Variants in PTPN9 observed in about 807,000 individuals in gnomAD.
The protein encoded by PTPN9 is protein tyrosine phosphatase non-receptor type 9.
In PTPN9, 26 loss-of-function variants were observed where a neutral mutation model predicts 69.8. The observed-to-expected ratio is 0.37, with a 90% CI of 0.27 to 0.52. The LOEUF (loss-of-function observed/expected upper bound fraction) is 0.52, where lower values mean the gene tolerates loss of function less well. Among genes scored for constraint, PTPN9 ranks in the 20% least tolerant of loss-of-function variants. The pLI, the probability that PTPN9 is intolerant of heterozygous loss-of-function variation, is 0.91. For missense variants in PTPN9, 549 were observed against 740.3 expected (o/e 0.74, Z 3.00); for synonymous variants, 274 against 272.5 (o/e 1.01, Z -0.05).
chr15:75,485,337 G>C (rs2074668052), intron 8 of PTPN9, among the ~76,000 whole-genome samples: 2 of 141,926 alleles, frequency 1.4e-5, no homozygotes, highest in African/African-American at 5.2e-5. Context: ...TTCATGCTTT[G>C]AAAAGAATTG....
intron 1 of PTPN9, among the ~76,000 whole-genome samples, chr15:75,554,747 A>G (rs955021984): frequency 1.3e-5 from 2 of 152,202 alleles, no homozygotes; most frequent in Admixed American, 1.3e-4. Context: ...TTGCAAACCT[A>G]CAAAGAATGA....
At chr15:75,537,428 G>A (rs1241276709) in intron 1 of PTPN9, among the ~76,000 whole-genome samples, 2 of 81,662 alleles carry the variant, frequency 2.4e-5, no homozygotes, top group East Asian at 3.8e-4. Flanking sequence ...AAGAGGAATC[G>A]TCAAATATCT....
intron 7 of PTPN9, among the ~76,000 whole-genome samples, chr15:75,501,029 T>G (rs982165391): frequency 1.3e-5 from 2 of 152,214 alleles, no homozygotes; most frequent in African/African-American, 4.8e-5. Flanking sequence ...ATATATGGTC[T>G]GTGTCCCCTT....
chr15:75,501,889 G>A (rs1341589036), intron 7 of PTPN9, among the ~76,000 whole-genome samples: 1 of 151,902 alleles, frequency 6.6e-6, no homozygotes, highest in Non-Finnish European at 1.5e-5. Context: ...CAGGTGCGGT[G>A]GCTCACACCT....
At chr15:75,524,185 C>G (rs1050714167) in intron 3 of PTPN9, 24 bp downstream of exon 3, 6 of 1,436,068 alleles carry the variant, frequency 4.2e-6, no homozygotes, top group Middle Eastern at 1.8e-4. Context: ...TAAGGCCCTA[C>G]AAGATAGGTC....
intron 2 of PTPN9, among the ~76,000 whole-genome samples, chr15:75,526,810 G>A (rs937155342): frequency 2.0e-5 from 3 of 152,120 alleles, no homozygotes; most frequent in Non-Finnish European, 4.4e-5. Context: ...AATGAAAAGA[G>A]CTAGGATTAA....
intron 7 of PTPN9, among the ~76,000 whole-genome samples, chr15:75,503,843 G>C (rs1378344120): frequency 7.6e-6 from 1 of 131,264 alleles, no homozygotes; most frequent in Admixed American, 7.3e-5. Flanking sequence ...CGCCCCGTCC[G>C]GGAGGGAGGT....
Position 75,464,260 on chromosome 15 carries a change from C to T in PTPN9, c.*4509G>A, listed in dbSNP as rs963240490. The T allele has an allele frequency of 6.7e-6, 1 of 149,776 alleles. No individual in the cohort carries two copies. Among genetic ancestry groups the T allele is most frequent in the Admixed American group, 6.7e-5 (1 of 14,900 alleles). The allele number at this position is 149,776 out of a possible 1,614,324, so 9.3% of individuals were successfully genotyped here. ...TGGAGTTCGAGACCAGCCTGGGCAA[C>T]ATAGTGAGATCCTGTCTCTAGAGAG... On this transcript the variant is annotated 3_prime_UTR_variant, in exon 13 of 13. Coordinates refer to ENST00000618819, the MANE Select transcript of PTPN9 (RefSeq NM_002833.4).
chr15:75,527,055 A>T (rs2074931464), intron 2 of PTPN9, 63 bp downstream of exon 2: 1 of 1,587,080 alleles, frequency 6.3e-7, no homozygotes, highest in Non-Finnish European at 8.6e-7. Context: ...GTCGAGCATG[A>T]CAGGGACAAC....
chr15:75,490,534 G>A (rs550733971), intron 7 of PTPN9, among the ~76,000 whole-genome samples: 1 of 152,302 alleles, frequency 6.6e-6, no homozygotes, highest in South Asian at 2.1e-4. Context: ...ACCAGGCATG[G>A]TGGCTCACAC....
chr15:75,489,412 G>A (rs886947456), intron 8 of PTPN9, among the ~76,000 whole-genome samples: 1 of 152,052 alleles, frequency 6.6e-6, no homozygotes, highest in Non-Finnish European at 1.5e-5. Flanking sequence ...AACATAGTGA[G>A]AACTTGTCTC....
intron 3 of PTPN9, among the ~76,000 whole-genome samples, chr15:75,523,929 G>C (rs1427336679): frequency 6.6e-6 from 1 of 151,910 alleles, no homozygotes; most frequent in Non-Finnish European, 1.5e-5. Flanking sequence ...TCTAGATTCA[G>C]GATAAGGTAT....
chr15:75,558,512 T>TCTCCCCCTCCCC, intron 1 of PTPN9, among the ~76,000 whole-genome samples: 1 of 151,420 alleles, frequency 6.6e-6, no homozygotes, highest in Non-Finnish European at 1.5e-5. Flanking sequence ...TCCCTCTCCC[T>TCTCCCCCTCCCC]CTCCCCCTCC....
intron 9 of PTPN9, among the ~76,000 whole-genome samples, chr15:75,479,133 C>T (rs1421859258): frequency 6.6e-6 from 1 of 152,172 alleles, no homozygotes; most frequent in Admixed American, 6.6e-5. Context: ...ATGGTGAAAC[C>T]CAGTCTCTAC....
intron 10 of PTPN9, among the ~76,000 whole-genome samples, chr15:75,472,880 G>A (rs180727370): frequency 4.6e-5 from 7 of 151,964 alleles, no homozygotes; most frequent in Admixed American, 2.0e-4. Flanking sequence ...CCTGGGAGAC[G>A]GAAGTTACAG....
At chr15:75,555,649 C>A (rs923791229) in intron 1 of PTPN9, among the ~76,000 whole-genome samples, 3 of 151,852 alleles carry the variant, frequency 2.0e-5, no homozygotes, top group Non-Finnish European at 2.9e-5. Flanking sequence ...GGATTACAGG[C>A]GTGCACCACC....
intron 1 of PTPN9, among the ~76,000 whole-genome samples, chr15:75,559,549 T>C (rs1046071817): frequency 1.3e-5 from 2 of 152,146 alleles, no homozygotes; most frequent in Non-Finnish European, 2.9e-5. Flanking sequence ...AGATGTGCTT[T>C]GTTGAACAGA....
intron 7 of PTPN9, among the ~76,000 whole-genome samples, chr15:75,490,659 C>G (rs566669307): frequency 6.6e-6 from 1 of 152,128 alleles, no homozygotes; most frequent in Non-Finnish European, 1.5e-5. Context: ...GAGTCTCGCT[C>G]TGTTGCCCAG....
intron 1 of PTPN9, among the ~76,000 whole-genome samples, chr15:75,551,486 A>G (rs1189440241): frequency 4.6e-5 from 7 of 151,526 alleles, no homozygotes; most frequent in Non-Finnish European, 2.9e-5. Flanking sequence ...CTGCCTCCCA[A>G]ATAGCTGGGA....
Sources: gnomAD v4.1 joint callset for allele counts (sites outside exome capture counted in the v4.1 genomes callset) on GRCh38, gnomAD v4.1.1 for gene constraint, MANE v1.5 for transcripts, NCBI Gene and HGNC (gene_info 2026-07-23, HGNC 2026-07-21) for gene names.